Variants in DARS2 observed in about 807,000 individuals in gnomAD.
DARS2 encodes aspartate--tRNA ligase, mitochondrial.
DARS2 carries 63 observed loss-of-function variants against 83.0 expected under a neutral mutation model. The ratio of observed to expected loss-of-function variants is 0.76; its 90% confidence interval spans 0.62 to 0.94. DARS2 has a LOEUF of 0.94. DARS2 is among the 40% of genes least tolerant of loss of function. The pLI is 0.00. For synonymous variants in DARS2, 250 were observed against 269.3 expected, an observed-to-expected ratio of 0.93 and a Z score of 0.70; for missense variants, 675 against 774.4, an observed-to-expected ratio of 0.87 and a Z score of 1.52.
chr1:173,826,833 A>G (rs776993326), intron 2 of DARS2, 47 bp downstream of exon 2: 2 of 1,377,320 alleles, frequency 1.5e-6, no homozygotes, highest in Non-Finnish European at 2.1e-6. Flanking sequence ...TGGTTTTCCC[A>G]GGGCAATTCC....
chr1:173,825,273 C>G lies in DARS2; in HGVS notation c.44C>G (p.Ser15Cys), dbSNP rs372766904. 1.1e-5 allele frequency: 17 copies of G among 1,613,514 alleles called. No individual in the cohort carries two copies. In the Admixed American group the frequency reaches 1.8e-4, roughly 17 times the overall value. ...SWLSQLYRGL[S>C]RPIRRTTQPI... ...TTAAGTCAGCTGTACAGGGGTTTAT[C>G]CAGACCCATCAGAAGGACCACCCAA... The change falls in exon 1 of 17, where the codon TCC becomes TGC. Residue 15 changes from serine to cysteine, a missense_variant. Coordinates refer to ENST00000649689, the MANE Select transcript of DARS2 (RefSeq NM_018122.5).
chr1:173,856,707 T>C lies in DARS2; in HGVS notation c.1716T>C (p.Asp572=). 1 of 1,613,988 alleles carries C rather than the reference T, an allele frequency of 6.2e-7. No individual in the cohort carries two copies. The highest frequency in any genetic ancestry group is 1.6e-4 in the Middle Eastern group (1 of 6,062). Residue 572 remains aspartate, a synonymous_variant, in exon 16 of 17, where the codon GAT becomes GAC. Transcript: ENST00000649689. The part of the protein sequence containing the change: ...KMLSHLLQAL[D]YGAPPHGGIA... ...TCTCCCATCTGCTCCAGGCTTTAGATTATGGGGCACCCCCTCATGGAGGAA... is the reference window on the plus strand; with the variant it reads ...TCTCCCATCTGCTCCAGGCTTTAGACTATGGGGCACCCCCTCATGGAGGAA...
intron 7 of DARS2, 71 bp from the exon 8 acceptor site, chr1:173,836,869 G>A: frequency 8.1e-7 from 1 of 1,230,520 alleles, no homozygotes; most frequent in South Asian, 1.2e-5. Context: ...ACTTCTACTA[G>A]TTAGTTATAC....
At chr1:173,847,657 A>C (rs900450434) in intron 12 of DARS2, among the ~76,000 whole-genome samples, 1 of 152,106 alleles carries the variant, frequency 6.6e-6, no homozygotes, top group African/African-American at 2.4e-5. Context: ...CATTTGCTCT[A>C]GCCTGCCCCA....
Position 173,857,525 on chromosome 1 carries a change from C to G in DARS2, c.1758C>G (p.Asp586Glu). The change falls in exon 17 of 17, where the codon GAC becomes GAG. Residue 586 changes from aspartate to glutamate, a missense_variant. Coordinates refer to ENST00000649689, the MANE Select transcript of DARS2 (RefSeq NM_018122.5). ...TTTGTATTTTACTCACAGGGTTAGA[C>G]AGACTGATATGCCTTGTCACTGGAT... is the stretch of plus-strand genomic sequence containing the variant. ...PPHGGIALGLDRLICLVTGSP... is the reference protein window; with the variant it reads ...PPHGGIALGLERLICLVTGSP... 2 of 1,614,010 alleles carry G rather than the reference C, an allele frequency of 1.2e-6. No individual in the cohort carries two copies. The highest frequency in any genetic ancestry group is 8.5e-7 in the Non-Finnish European group (1 of 1,179,856).
At chr1:173,845,115 A>G in intron 11 of DARS2, 114 bp from the exon 12 acceptor site, 2 of 743,026 alleles carry the variant, frequency 2.7e-6, no homozygotes, top group Non-Finnish European at 4.8e-6. Context: ...ATTTTTATTA[A>G]ATCTTACTAT....
At chr1:173,833,622 C>T in intron 6 of DARS2, 123 bp downstream of exon 6, 3 of 1,147,994 alleles carry the variant, frequency 2.6e-6, no homozygotes, top group Non-Finnish European at 3.9e-6. Flanking sequence ...GGAATTCACT[C>T]AATGTGTAAT....
rs549839808 is a variant in DARS2, at chr1:173,844,669, CAAAAAAAAAAAAAAAAAAAAA to C, written c.1129-541_1129-521del. Among the ~76,000 whole-genome samples the C allele has an allele frequency of 5.0e-4, 15 of 29,930 alleles. 1 individual carries two copies. Among genetic ancestry groups the C allele is most frequent in the South Asian group, 5.6e-3 (2 of 356 alleles). 19.6% of individuals were successfully genotyped at this position (29,930 alleles called of 152,430 possible). ...TGGGTGACAGAGCTAGACTCCATCG[CAAAAAAAAAAAAAAAAAAAAA>C]AAAAAAAAAAAAAAAAAATCTGCAT... On this transcript the variant is annotated intron_variant, in intron 11 of 16. Coordinates refer to ENST00000649689, the MANE Select transcript of DARS2 (RefSeq NM_018122.5).
At position 173,842,284 on chromosome 1, in the gene DARS2, C is replaced by CTTTTTTTTTTTTTTTTTTTT. The variant is rs1178547914; in HGVS notation, c.1128+1325_1128+1344dup. ...CTCAGGAACTCAGTCTCATTACTTT[C>CTTTTTTTTTTTTTTTTTTTT]TTTTTTTTTTTTTTTTTTTTTTTTT... is the stretch of plus-strand genomic sequence containing the variant. On this transcript the variant is annotated intron_variant, in intron 11 of 16. Coordinates refer to ENST00000649689, the MANE Select transcript of DARS2 (RefSeq NM_018122.5). Among the ~76,000 whole-genome samples, 14 of 64,256 alleles carry CTTTTTTTTTTTTTTTTTTTT rather than the reference C, an allele frequency of 2.2e-4. 5 individuals are homozygous for CTTTTTTTTTTTTTTTTTTTT. Among genetic ancestry groups the CTTTTTTTTTTTTTTTTTTTT allele is most frequent in the South Asian group, 1.3e-3 (2 of 1,554 alleles). The allele number at this position is 64,256 out of a possible 152,430, so 42.2% of individuals were successfully genotyped here.
Position 173,842,317 on chromosome 1 carries a change from T to TTTTTTTTTTTTTTTTTTTTTG in DARS2, c.1128+1344_1128+1345insTTTTTTTTTTTTTTTTTTTTG, listed in dbSNP as rs1304745729. 1.6e-4 allele frequency among the ~76,000 whole-genome samples: 19 copies of TTTTTTTTTTTTTTTTTTTTTG among 116,628 alleles called. 6 individuals are homozygous for TTTTTTTTTTTTTTTTTTTTTG. The highest frequency in any genetic ancestry group is 8.1e-4 in the African/African-American group (19 of 23,540). The allele number at this position is 116,628 out of a possible 152,430, so 76.5% of individuals were successfully genotyped here. A position where few individuals can be genotyped will look rare whatever the true frequency, so the allele number is the denominator to read the frequency against. On this transcript the variant is annotated intron_variant, in intron 11 of 16. Coordinates refer to ENST00000649689, the MANE Select transcript of DARS2 (RefSeq NM_018122.5). Reference sequence around the variant, plus strand: ...TTTTTTTTTTTTTTTTTTTTTTTTTTAGAGTGAGTCTTGCTCTGTCGCCCA... The same window carrying TTTTTTTTTTTTTTTTTTTTTG: ...TTTTTTTTTTTTTTTTTTTTTTTTTTTTTTTTTTTTTTTTTTTTTTGAGAGTGAGTCTTGCTCTGTCGCCCA...
intron 16 of DARS2, 60 bp downstream of exon 16, chr1:173,856,801 G>C: frequency 6.9e-7 from 1 of 1,453,722 alleles, no homozygotes; most frequent in Non-Finnish European, 9.6e-7. Context: ...TCAAATTCAG[G>C]TTCTCAGTTT....
chr1:173,840,178 A>T (rs1653152606), intron 10 of DARS2, among the ~76,000 whole-genome samples: 2 of 152,226 alleles, frequency 1.3e-5, no homozygotes, highest in Non-Finnish European at 2.9e-5. Context: ...CATAACTACC[A>T]ACTTACAGCT....
Position 173,838,263 on chromosome 1 carries a change from C to A in DARS2, c.840+4C>A. 6.2e-7 allele frequency: 1 copy of A among 1,608,988 alleles called. No homozygotes were observed. Among genetic ancestry groups the A allele is most frequent in the Non-Finnish European group, 8.5e-7 (1 of 1,175,476 alleles). ...CAGACAGCCTGAGTTTACTCAGGTACAAAGTTATATTCACTTGTTTCTTAA... is the reference window on the plus strand; with the variant it reads ...CAGACAGCCTGAGTTTACTCAGGTAAAAAGTTATATTCACTTGTTTCTTAA... On this transcript the variant is annotated splice_donor_region_variant and intron_variant, in intron 9 of 16. Coordinates refer to ENST00000649689, the MANE Select transcript of DARS2 (RefSeq NM_018122.5).
intron 7 of DARS2, among the ~76,000 whole-genome samples, chr1:173,835,570 GAA>G (rs944713280): frequency 6.6e-6 from 1 of 151,300 alleles, no homozygotes; most frequent in Non-Finnish European, 1.5e-5. Flanking sequence ...AAATGGAAAA[GAA>G]AAAAAATTAT....
Position 173,857,530 on chromosome 1 carries a change from T to A in DARS2, c.1763T>A (p.Leu588Gln). 2 of 1,614,142 alleles carry A rather than the reference T, an allele frequency of 1.2e-6. No homozygotes were observed. The highest frequency in any genetic ancestry group is 2.2e-5 in the East Asian group (1 of 44,878). Residue 588 changes from leucine to glutamine, a missense_variant, in exon 17 of 17, where the codon CTG becomes CAG. Coordinates refer to ENST00000649689, the MANE Select transcript of DARS2 (RefSeq NM_018122.5). ...HGGIALGLDR[L>Q]ICLVTGSPSI... The stretch of plus-strand genomic sequence containing the variant: ...ATTTTACTCACAGGGTTAGACAGAC[T>A]GATATGCCTTGTCACTGGATCTCCA...
At chr1:173,845,089 C>A in intron 11 of DARS2, 140 bp from the exon 12 acceptor site, 1 of 639,784 alleles carries the variant, frequency 1.6e-6, no homozygotes, top group Non-Finnish European at 2.9e-6. Flanking sequence ...GCCACCGCGC[C>A]CAGCCCAGAC....
rs1384384253 is a variant in DARS2 at position 173,857,582 on chromosome 1, A to G, written c.1815A>G (p.Pro605=). Residue 605 remains proline (P), a synonymous_variant, in exon 17 of 17, where the codon CCA becomes CCG. Transcript: ENST00000649689. ...GCATCAGAGATGTCATAGCCTTCCC[A>G]AAGTCCTTCCGGGGACATGACCTCA... is the stretch of plus-strand genomic sequence containing the variant. ...SPSIRDVIAF[P]KSFRGHDLMS... is the part of the protein sequence containing the mutation. 6 of 1,614,082 alleles carry G rather than the reference A, an allele frequency of 3.7e-6. No homozygotes were observed. The Admixed American group carries it at 6.7e-5, about 18-fold the overall frequency.
chr1:173,854,617 GGT>G (rs1653795415), intron 15 of DARS2, among the ~76,000 whole-genome samples: 3 of 152,096 alleles, frequency 2.0e-5, no homozygotes, highest in Non-Finnish European at 2.9e-5. Flanking sequence ...TTTGAATCCA[GGT>G]GAGGTGGCTC....
intron 11 of DARS2, among the ~76,000 whole-genome samples, chr1:173,844,762 T>C (rs567087389): frequency 5.9e-4 from 84 of 143,580 alleles, no homozygotes; most frequent in Non-Finnish European, 1.2e-3. Flanking sequence ...ATGTGTCATT[T>C]GGTAGCAGAA....
Sources: gnomAD v4.1 joint callset for allele counts (sites outside exome capture counted in the v4.1 genomes callset) on GRCh38, gnomAD v4.1.1 for gene constraint, MANE v1.5 for transcripts, NCBI Gene and HGNC (gene_info 2026-07-23, HGNC 2026-07-21) for gene names.